The following SLC35D2 variants were observed in gnomAD, a reference collection of about 807,000 sequenced individuals.
SLC35D2 encodes the protein nucleotide sugar transporter SLC35D2.
SLC35D2 carries 43 observed loss-of-function variants against 41.8 expected under a neutral mutation model. That is an observed-to-expected ratio of 1.03 (90% CI 0.81 to 1.33). The LOEUF (loss-of-function observed/expected upper bound fraction) is 1.33, where lower values mean the gene tolerates loss of function less well. SLC35D2 is among the 40% of genes most tolerant of loss of function. SLC35D2 has a pLI of 0.00. For missense variants in SLC35D2, 380 were observed against 408.4 expected (o/e 0.93, Z 0.60); for synonymous variants, 150 against 163.9 (o/e 0.92, Z 0.65).
At chr9:96,331,075 T>C (rs1828786732) in intron 9 of SLC35D2, among the ~76,000 whole-genome samples, 1 of 152,174 alleles carries the variant, frequency 6.6e-6, no homozygotes, top group Admixed American at 6.5e-5. Context: ...TTTTTGTATA[T>C]TTAGTAGAGA....
At position 96,336,709 on chromosome 9, in the gene SLC35D2, T is replaced by C. The variant is rs1233213563; in HGVS notation, c.752+8A>G. 1 of 1,544,488 alleles carries C rather than the reference T, an allele frequency of 6.5e-7. No homozygotes were observed. ...GACCAATGCTTCTACTTATCTATGG[T>C]TTCTTACCCCAAAAAACAGGAAAGA... On this transcript the variant is annotated splice_region_variant and intron_variant, in intron 9 of 11. Transcript: ENST00000253270.
chr9:96,324,538 C>T (rs1018568966), intron 9 of SLC35D2, among the ~76,000 whole-genome samples: 1 of 129,418 alleles, frequency 7.7e-6, no homozygotes, highest in Non-Finnish European at 1.7e-5. Context: ...GCCTCAGAAT[C>T]GCCTGCTGCA....
At chr9:96,317,256 T>C (rs530448953), downstream of SLC35D2, among the ~76,000 whole-genome samples, 1 of 152,336 alleles carries the variant, frequency 6.6e-6, no homozygotes, top group East Asian at 1.9e-4. Context: ...AAACTAATGT[T>C]TGTGTCCCAT....
chr9:96,352,039 C>G lies in SLC35D2; in HGVS notation c.418G>C (p.Gly140Arg). Residue 140 changes from glycine (G) to arginine (R), a missense_variant and splice_region_variant, in exon 5 of 12, where the codon GGG (glycine) becomes CGG (arginine). Physicochemically the swap from Gly to Arg is moderately radical, Grantham distance 125 (BLOSUM62 -2). Coordinates refer to ENST00000253270, the MANE Select transcript of SLC35D2 (RefSeq NM_007001.3). ...LTLLLETIIL[G>R]KQYSLNIILS... Reference sequence around the variant, plus strand: ...AGAATGGAGGAAAAACAAAATCACCCAAGTATGATGGTTTCCAGAAGTAAG... The same window carrying G: ...AGAATGGAGGAAAAACAAAATCACCGAAGTATGATGGTTTCCAGAAGTAAG... 6.2e-7 allele frequency: 1 copy of G among 1,607,754 alleles called. No homozygotes were observed. The highest frequency in any genetic ancestry group is 8.5e-7 in the Non-Finnish European group (1 of 1,175,154).
downstream of SLC35D2, among the ~76,000 whole-genome samples, chr9:96,320,179 T>C (rs1304204583): frequency 1.3e-5 from 2 of 152,132 alleles, no homozygotes; most frequent in African/African-American, 4.8e-5. Flanking sequence ...TGAACAAACC[T>C]GGAGGGAGAT....
chr9:96,344,067 T>C (rs1829458721), intron 7 of SLC35D2, 71 bp from the exon 8 acceptor site: 3 of 873,696 alleles, frequency 3.4e-6, no homozygotes, highest in African/African-American at 1.7e-5. Flanking sequence ...GAGCCATTTA[T>C]ACAACTGCAT....
intron 1 of SLC35D2, among the ~76,000 whole-genome samples, chr9:96,371,474 CA>C (rs539576375): frequency 2.4e-4 from 11 of 46,642 alleles, no homozygotes; most frequent in East Asian, 9.0e-4. Context: ...GACTCTGTCT[CA>C]AAAAAAAAAA....
intron 8 of SLC35D2, among the ~76,000 whole-genome samples, chr9:96,338,179 C>T (rs1486067925): frequency 2.0e-5 from 3 of 151,924 alleles, no homozygotes; most frequent in South Asian, 2.1e-4. Context: ...ATAACATGAT[C>T]GAATATAAGT....
At chr9:96,318,035 C>CAA (rs10700687), downstream of SLC35D2, among the ~76,000 whole-genome samples, 15,859 of 140,712 alleles carry the variant, frequency 0.11, 2,748 homozygotes, top group African/African-American at 0.37. Context: ...GACGTTGTCT[C>CAA]AAAAAAAAAA....
At chr9:96,356,267 G>A (rs1279643523) in intron 4 of SLC35D2, among the ~76,000 whole-genome samples, 1 of 152,034 alleles carries the variant, frequency 6.6e-6, no homozygotes, top group Non-Finnish European at 1.5e-5. Flanking sequence ...TGAAGCACAC[G>A]AACCTTTTTT....
At chr9:96,336,923 T>C in intron 8 of SLC35D2, 139 bp from the exon 9 acceptor site, 1 of 585,052 alleles carries the variant, frequency 1.7e-6, no homozygotes, top group South Asian at 2.3e-5. Context: ...TAGGTCATAC[T>C]AGTTGTGGGA....
At chr9:96,355,643 T>C (rs1232974443) in intron 4 of SLC35D2, among the ~76,000 whole-genome samples, 1 of 151,924 alleles carries the variant, frequency 6.6e-6, no homozygotes, top group Admixed American at 6.6e-5. Flanking sequence ...ATTACAGGTA[T>C]CCACCAACAC....
intron 6 of SLC35D2, among the ~76,000 whole-genome samples, chr9:96,345,668 G>C (rs1298331213): frequency 6.6e-6 from 1 of 152,216 alleles, no homozygotes; most frequent in Non-Finnish European, 1.5e-5. Flanking sequence ...TCTTTCGCTA[G>C]CTGATGAATC....
At chr9:96,357,754 A>G (rs1830087160) in intron 4 of SLC35D2, among the ~76,000 whole-genome samples, 1 of 152,114 alleles carries the variant, frequency 6.6e-6, no homozygotes, top group Admixed American at 6.6e-5. Flanking sequence ...TAAAACTTTT[A>G]CAGGCTGGGC....
At chr9:96,359,876 C>T (rs996077660) in intron 4 of SLC35D2, among the ~76,000 whole-genome samples, 8 of 152,140 alleles carry the variant, frequency 5.3e-5, no homozygotes, top group Non-Finnish European at 1.2e-4. Context: ...CACCAACAAT[C>T]CCACCTGGAT....
intron 3 of SLC35D2, 41 bp downstream of exon 3, chr9:96,364,423 C>T: frequency 8.4e-7 from 1 of 1,197,054 alleles, no homozygotes; most frequent in East Asian, 2.3e-5. Context: ...TGTGTATTTT[C>T]ACATCTTCTA....
intron 4 of SLC35D2, among the ~76,000 whole-genome samples, chr9:96,355,078 G>T (rs1587694014): frequency 6.6e-6 from 1 of 151,376 alleles, no homozygotes; most frequent in African/African-American, 2.4e-5. Flanking sequence ...GGAGTGCAGT[G>T]GCGTCATCTT....
chr9:96,382,963 GTTCAAGGCAGC>G, intron 1 of SLC35D2, among the ~76,000 whole-genome samples: 1 of 152,166 alleles, frequency 6.6e-6, no homozygotes, highest in South Asian at 2.1e-4. Flanking sequence ...TTACAAATAG[GTTCAAGGCAGC>G]ACAAATTTGC....
chr9:96,362,911 G>C (rs1484171540), intron 3 of SLC35D2, among the ~76,000 whole-genome samples: 1 of 150,022 alleles, frequency 6.7e-6, no homozygotes, highest in African/African-American at 2.5e-5. Flanking sequence ...CTGTCGCCCA[G>C]GCTGGAGTGC....
Sources: gnomAD v4.1 joint callset for allele counts (sites outside exome capture counted in the v4.1 genomes callset) on GRCh38, gnomAD v4.1.1 for gene constraint, MANE v1.5 for transcripts, NCBI Gene and HGNC (gene_info 2026-07-23, HGNC 2026-07-21) for gene names.